The following PDE7B variants were observed in gnomAD, a reference collection of about 807,000 sequenced individuals.
PDE7B encodes the protein 3',5'-cyclic-AMP phosphodiesterase 7B.
A neutral mutation model predicts 56.2 loss-of-function variants in PDE7B; 29 were observed. The ratio of observed to expected loss-of-function variants is 0.52; its 90% CI spans 0.38 to 0.70. The LOEUF (loss-of-function observed/expected upper bound fraction) is 0.70. Ranked by LOEUF, PDE7B falls within the 30% of genes least tolerant of loss-of-function variation. The pLI is 0.00. For synonymous variants in PDE7B, 197 were observed against 196.9 expected, an observed-to-expected ratio of 1.00 and a Z score of 0.00; for missense variants, 490 against 565.0, an observed-to-expected ratio of 0.87 and a Z score of 1.35.
At chr6:136,025,161 T>C (rs1776130860) in intron 2 of PDE7B, among the ~76,000 whole-genome samples, 1 of 152,226 alleles carries the variant, frequency 6.6e-6, no homozygotes, top group East Asian at 1.9e-4. Context: ...ACTCTCTCCA[T>C]ATTTTTACCA....
intron 1 of PDE7B, among the ~76,000 whole-genome samples, chr6:135,926,822 T>C (rs931570516): frequency 2.8e-4 from 42 of 152,202 alleles, no homozygotes; most frequent in African/African-American, 1.0e-3. Flanking sequence ...CCTTATCTTT[T>C]CCTGCATAAA....
At position 136,149,122 on chromosome 6, in the gene PDE7B, C is replaced by T. The variant is rs1778468324; in HGVS notation, c.354C>T (p.Asp118=). The T allele has an allele frequency of 6.2e-7, 1 of 1,612,552 alleles. No homozygotes were observed. ...MLSKVGMWDF[D]IFLFDRLTNG... ...CCAAAGTGGGAATGTGGGATTTTGA[C>T]ATTTTCTTGTTTGATCGCTTGACAA... is the stretch of plus-strand genomic sequence containing the variant. The change falls in exon 5 of 13, where the codon GAC becomes GAT. Residue 118 remains aspartate (D), a synonymous_variant. Coordinates refer to ENST00000308191, the MANE Select transcript of PDE7B (RefSeq NM_018945.4).
rs901975850 is a variant in PDE7B at position 136,192,962 on chromosome 6, T to G, written c.*1122T>G. On this transcript the variant is annotated 3_prime_UTR_variant, in exon 13 of 13. Coordinates refer to ENST00000308191, the MANE Select transcript of PDE7B (RefSeq NM_018945.4). ...GAGGAAACATTTTGGAAACTTCACATGCATTCCGCTTGAGACCATAGTGTT... is the reference window on the plus strand; with the variant it reads ...GAGGAAACATTTTGGAAACTTCACAGGCATTCCGCTTGAGACCATAGTGTT... 2 of 152,260 alleles carry G rather than the reference T, an allele frequency of 1.3e-5. No homozygotes were observed. Among genetic ancestry groups the G allele is most frequent in the African/African-American group, 4.8e-5 (2 of 41,460 alleles). 9.4% of individuals were successfully genotyped at this position (152,260 alleles called of 1,614,324 possible). A position where few individuals can be genotyped will look rare whatever the true frequency, so the allele number is the denominator to read the frequency against.
intron 9 of PDE7B, among the ~76,000 whole-genome samples, chr6:136,174,935 A>G (rs1193901513): frequency 1.3e-5 from 2 of 152,218 alleles, no homozygotes; most frequent in African/African-American, 4.8e-5. Flanking sequence ...TAAAAACTAG[A>G]GCAAAAGATC....
At chr6:136,099,316 G>C (rs1244759160) in intron 2 of PDE7B, among the ~76,000 whole-genome samples, 1 of 152,126 alleles carries the variant, frequency 6.6e-6, no homozygotes, top group Non-Finnish European at 1.5e-5. Flanking sequence ...GGGTCAAATG[G>C]TATTTCTAGT....
chr6:135,868,282 T>C (rs1278368382), intron 1 of PDE7B, among the ~76,000 whole-genome samples: 6 of 152,198 alleles, frequency 3.9e-5, no homozygotes, highest in African/African-American at 4.8e-5. Flanking sequence ...TCTTGGGCCA[T>C]TGTTCCACAG....
chr6:135,972,679 G>A (rs1261238053), intron 2 of PDE7B, among the ~76,000 whole-genome samples: 1 of 152,068 alleles, frequency 6.6e-6, no homozygotes, highest in Non-Finnish European at 1.5e-5. Context: ...ATATTCCGTT[G>A]GTCAGAAACG....
intron 2 of PDE7B, among the ~76,000 whole-genome samples, chr6:136,006,645 C>T (rs970208847): frequency 6.6e-6 from 1 of 152,002 alleles, no homozygotes; most frequent in African/African-American, 2.4e-5. Context: ...TAGCTGTATT[C>T]CTGGGTATTT....
chr6:135,951,002 G>C (rs1774689616), intron 2 of PDE7B, among the ~76,000 whole-genome samples: 1 of 152,200 alleles, frequency 6.6e-6, no homozygotes, highest in Non-Finnish European at 1.5e-5. Flanking sequence ...CTGGCTTCAA[G>C]AGAATAGCTC....
chr6:136,080,147 TG>T (rs2128214992), intron 2 of PDE7B, among the ~76,000 whole-genome samples: 1 of 152,314 alleles, frequency 6.6e-6, no homozygotes, highest in African/African-American at 2.4e-5. Flanking sequence ...CTCCCCCTTT[TG>T]GGTTCCCTGT....
intron 2 of PDE7B, among the ~76,000 whole-genome samples, chr6:135,967,946 A>T (rs541584810): frequency 1.3e-5 from 2 of 152,320 alleles, no homozygotes; most frequent in South Asian, 2.1e-4. Flanking sequence ...CTGTAGAAGC[A>T]TTCTCTTCAT....
At chr6:135,999,280 T>G (rs1247699115) in intron 2 of PDE7B, among the ~76,000 whole-genome samples, 1 of 152,184 alleles carries the variant, frequency 6.6e-6, no homozygotes, top group East Asian at 1.9e-4. Flanking sequence ...AACTTTTATT[T>G]TAGGTTCTGG....
At chr6:135,938,554 C>A (rs1774458175) in intron 1 of PDE7B, among the ~76,000 whole-genome samples, 2 of 152,164 alleles carry the variant, frequency 1.3e-5, no homozygotes, top group Admixed American at 1.3e-4. Flanking sequence ...TAAGCCTTCA[C>A]AGGTACAGGT....
chr6:136,147,453 C>T lies in PDE7B; in HGVS notation c.269C>T (p.Pro90Leu), dbSNP rs2128446789. ...HASRLLRGIIPQAPLHLLDED... is the reference protein window; with the variant it reads ...HASRLLRGIILQAPLHLLDED... ...TCAAGGCTGCTTCGTGGAATTATAC[C>T]ACAAGCCCCTCTGCACCTGCTGGAT... is the stretch of plus-strand genomic sequence containing the variant. Residue 90 changes from proline to leucine, a missense_variant, in exon 4 of 13, where the codon CCA (proline) becomes CTA (leucine). By Grantham distance (98) the Pro-to-Leu change is moderately conservative. Coordinates refer to ENST00000308191, the MANE Select transcript of PDE7B (RefSeq NM_018945.4). 1.2e-6 allele frequency: 2 copies of T among 1,613,608 alleles called. No individual in the cohort carries two copies. The highest frequency in any genetic ancestry group is 1.7e-5 in the Admixed American group (1 of 59,990).
At chr6:136,168,036 G>T (rs191813717) in intron 8 of PDE7B, among the ~76,000 whole-genome samples, 55 of 152,278 alleles carry the variant, frequency 3.6e-4, no homozygotes, top group Non-Finnish European at 4.4e-4. Context: ...TATTTGAAGT[G>T]AACTTTGAAA....
At chr6:136,099,287 A>G (rs1777522573) in intron 2 of PDE7B, among the ~76,000 whole-genome samples, 1 of 152,180 alleles carries the variant, frequency 6.6e-6, no homozygotes, top group South Asian at 2.1e-4. Flanking sequence ...TTGGGTATAT[A>G]CCCAGTAATG....
At chr6:136,154,416 CAAAA>C (rs5880284) in intron 7 of PDE7B, among the ~76,000 whole-genome samples, 2 of 124,478 alleles carry the variant, frequency 1.6e-5, no homozygotes, top group Non-Finnish European at 3.7e-5. Context: ...TGTATTTGGA[CAAAA>C]AAAAAAAAAA....
At chr6:136,152,534 C>A (rs984660053) in intron 6 of PDE7B, among the ~76,000 whole-genome samples, 1 of 152,220 alleles carries the variant, frequency 6.6e-6, no homozygotes, top group Non-Finnish European at 1.5e-5. Flanking sequence ...TGAGCCCAAG[C>A]CTAGCTCTGT....
intron 2 of PDE7B, chr6:136,035,165 C>T (rs1482181382): frequency 6.6e-6 from 1 of 152,188 alleles, no homozygotes; most frequent in Non-Finnish European, 1.5e-5. Context: ...CCTTTGATCA[C>T]ATAACAACCC....
Sources: allele counts gnomAD v4.1 joint callset (sites outside exome capture counted in the v4.1 genomes callset), GRCh38; gene constraint gnomAD v4.1.1; transcripts MANE v1.5; gene names NCBI Gene and HGNC (gene_info 2026-07-23, HGNC 2026-07-21).